The following MRPL35 variants were observed in gnomAD, a reference collection of about 807,000 sequenced individuals.
MRPL35 encodes mitochondrial ribosomal protein L35.
Under a neutral mutation model 21.6 loss-of-function variants are expected in MRPL35, and 18 were observed. That is an observed-to-expected ratio of 0.83 (90% CI 0.58 to 1.24). The LOEUF is 1.24. MRPL35 is among the 50% of genes most tolerant of loss of function. The pLI is 0.00. For synonymous variants in MRPL35, 87 were observed against 86.9 expected (o/e 1.00, Z -0.01); for missense variants, 223 against 223.2 (o/e 1.00, Z 0.01).
chr2:86,211,532 TG>T lies in MRPL35; in HGVS notation c.*865del. ...AACATCTAACACACCAGGTTCATTG[TG>T]TTCATAACACTTGTCATTTACTGTA... On this transcript the variant is annotated 3_prime_UTR_variant, in exon 4 of 4. Coordinates refer to ENST00000337109, the MANE Select transcript of MRPL35 (RefSeq NM_016622.4). 3.0e-6 allele frequency: 3 copies of T among 985,486 alleles called. No individual in the cohort carries two copies. Among genetic ancestry groups the T allele is most frequent in the Non-Finnish European group, 3.6e-6 (3 of 829,942 alleles). The allele number at this position is 985,486 out of a possible 1,614,324, so 61.0% of individuals were successfully genotyped here. A position where few individuals can be genotyped will look rare whatever the true frequency, so the allele number is the denominator to read the frequency against.
At position 86,213,521 on chromosome 2, in the gene MRPL35, C is replaced by G; in HGVS notation, c.*2853C>G. On this transcript the variant is annotated 3_prime_UTR_variant, in exon 4 of 4. Transcript: ENST00000337109. Reference sequence around the variant, plus strand: ...TGTTTCAAATTTTGAGCTTCCAAGTCTTTGTGGCCACCCAATGAAGTTTGA... The same window carrying G: ...TGTTTCAAATTTTGAGCTTCCAAGTGTTTGTGGCCACCCAATGAAGTTTGA... 1 of 1,418,990 alleles carries G rather than the reference C, an allele frequency of 7.0e-7. No individual in the cohort carries two copies. Among genetic ancestry groups the G allele is most frequent in the Non-Finnish European group, 9.3e-7 (1 of 1,073,446 alleles). The allele number at this position is 1,418,990 out of a possible 1,614,324, so 87.9% of individuals were successfully genotyped here.
chr2:86,200,069 CTG>C (rs1304568489), intron 1 of MRPL35, among the ~76,000 whole-genome samples: 1 of 152,118 alleles, frequency 6.6e-6, no homozygotes, highest in Non-Finnish European at 1.5e-5. Context: ...GACTTCTTGA[CTG>C]AGAGATAGCA....
At chr2:86,199,554 T>G in intron 1 of MRPL35, 21 bp downstream of exon 1, 2 of 1,613,926 alleles carry the variant, frequency 1.2e-6, no homozygotes, top group Non-Finnish European at 1.7e-6. Flanking sequence ...AGCGACATAC[T>G]CCATGCATGC....
chr2:86,199,468 G>A lies in MRPL35; in HGVS notation c.-23G>A, dbSNP rs762222288. 6.2e-6 allele frequency: 10 copies of A among 1,614,018 alleles called. No individual in the cohort carries two copies. Among genetic ancestry groups the A allele is most frequent in the Middle Eastern group, 3.3e-4 (2 of 6,062 alleles). ...GCTCTTGTGCTTTTAAACCCAAAGC[G>A]GCCGCCGTAGGCGAAGGTGAAGATG... is the stretch of plus-strand genomic sequence containing the variant. On this transcript the variant is annotated 5_prime_UTR_variant, in exon 1 of 4. Transcript: ENST00000337109.
intron 1 of MRPL35, 96 bp from the exon 2 acceptor site, chr2:86,206,010 T>C (rs1673781416): frequency 9.2e-7 from 1 of 1,087,320 alleles, no homozygotes; most frequent in Admixed American, 2.2e-5. Context: ...GCACGTTAAT[T>C]ATGTTTAATA....
intron 1 of MRPL35, among the ~76,000 whole-genome samples, chr2:86,202,770 C>T (rs976439780): frequency 6.6e-6 from 1 of 152,150 alleles, no homozygotes; most frequent in Non-Finnish European, 1.5e-5. Flanking sequence ...CGGCTCACTG[C>T]AACCTCTGCC....
In MRPL35 at chr2:86,211,625, T is replaced by C. The variant is rs1218419815; in HGVS notation, c.*957T>C. The C allele has an allele frequency of 1.9e-5, 19 of 985,336 alleles. No individual in the cohort carries two copies. The highest frequency in any genetic ancestry group is 2.3e-5 in the Non-Finnish European group (19 of 829,952). 61.0% of individuals were successfully genotyped at this position (985,336 alleles called of 1,614,324 possible). ...CTCATTCATGAAACAGAAGAGGCTG[T>C]ACAAGTGAAGACAAGGGCTTTTTAT... On this transcript the variant is annotated 3_prime_UTR_variant, in exon 4 of 4. Transcript: ENST00000337109.
Position 86,212,959 on chromosome 2 carries a change from A to G in MRPL35, c.*2291A>G, listed in dbSNP as rs1673939105. On this transcript the variant is annotated 3_prime_UTR_variant, in exon 4 of 4. Coordinates refer to ENST00000337109, the MANE Select transcript of MRPL35 (RefSeq NM_016622.4). ...TCCCAGCATATCTACAAAACTGGGT[A>G]CATACATACTGTCTAACTGCTAATC... The G allele has an allele frequency of 2.9e-6, 2 of 680,172 alleles. No individual in the cohort carries two copies. Among genetic ancestry groups the G allele is most frequent in the Admixed American group, 6.3e-5 (1 of 15,860 alleles). 42.1% of individuals were successfully genotyped at this position (680,172 alleles called of 1,614,324 possible).
Position 86,213,282 on chromosome 2 carries a change from C to T in MRPL35, c.*2614C>T. The T allele has an allele frequency of 1.8e-6, 2 of 1,105,920 alleles. No homozygotes were observed. The highest frequency in any genetic ancestry group is 2.2e-6 in the Non-Finnish European group (2 of 909,082). The allele number at this position is 1,105,920 out of a possible 1,614,324, so 68.5% of individuals were successfully genotyped here. A position where few individuals can be genotyped will look rare whatever the true frequency, so the allele number is the denominator to read the frequency against. ...ATTACTTTGCTTTCCTGTCCTTTGC[C>T]AACTCTTAACCTAGTTAATCCTAGT... On this transcript the variant is annotated 3_prime_UTR_variant, in exon 4 of 4. Coordinates refer to ENST00000337109, the MANE Select transcript of MRPL35 (RefSeq NM_016622.4).
chr2:86,213,357 C>CT lies in MRPL35; in HGVS notation c.*2696dup. 2.4e-6 allele frequency: 3 copies of CT among 1,247,242 alleles called. No homozygotes were observed. The highest frequency in any genetic ancestry group is 4.0e-5 in the Admixed American group (1 of 24,776). The allele number at this position is 1,247,242 out of a possible 1,614,324, so 77.3% of individuals were successfully genotyped here. ...GTAAATAAACGAATGGATTTCCAGC[C>CT]TTTTTTTCCCATCTGTTCCTGCTTT... is the stretch of plus-strand genomic sequence containing the variant. On this transcript the variant is annotated 3_prime_UTR_variant, in exon 4 of 4. Coordinates refer to ENST00000337109, the MANE Select transcript of MRPL35 (RefSeq NM_016622.4).
In MRPL35 at chr2:86,213,194, G is replaced by A. The variant is rs1012601922; in HGVS notation, c.*2526G>A. 1.0e-6 allele frequency: 1 copy of A among 990,568 alleles called. No individual in the cohort carries two copies. Among genetic ancestry groups the A allele is most frequent in the Non-Finnish European group, 1.2e-6 (1 of 833,182 alleles). The allele number at this position is 990,568 out of a possible 1,614,324, so 61.4% of individuals were successfully genotyped here. A position where few individuals can be genotyped will look rare whatever the true frequency, so the allele number is the denominator to read the frequency against. ...CTAAATCAACAAGTGACTGTAATCT[G>A]GTACTATAAATACTAAATAAACACT... is the stretch of plus-strand genomic sequence containing the variant. On this transcript the variant is annotated 3_prime_UTR_variant, in exon 4 of 4. Coordinates refer to ENST00000337109, the MANE Select transcript of MRPL35 (RefSeq NM_016622.4).
chr2:86,205,019 A>G (rs974505581), intron 1 of MRPL35, among the ~76,000 whole-genome samples: 1 of 152,150 alleles, frequency 6.6e-6, no homozygotes, highest in African/African-American at 2.4e-5. Context: ...CAGGTGGATC[A>G]CTTGAGCCCA....
rs1193880393 is a variant in MRPL35 at position 86,213,434 on chromosome 2, T to G, written c.*2766T>G. 15 of 1,289,730 alleles carry G rather than the reference T, an allele frequency of 1.2e-5. No homozygotes were observed. In the Admixed American group the frequency reaches 3.9e-4, roughly 33 times the overall value. 79.9% of individuals were successfully genotyped at this position (1,289,730 alleles called of 1,614,324 possible). ...TACTGCTGCTTTATTTTACAGTGAT[T>G]TTGTCAAACATAGAATACAGGACTA... On this transcript the variant is annotated 3_prime_UTR_variant, in exon 4 of 4. Coordinates refer to ENST00000337109, the MANE Select transcript of MRPL35 (RefSeq NM_016622.4).
intron 1 of MRPL35, among the ~76,000 whole-genome samples, 159 bp from the exon 2 acceptor site, chr2:86,205,947 G>A (rs1420172831): frequency 6.6e-6 from 1 of 152,184 alleles, no homozygotes; most frequent in Non-Finnish European, 1.5e-5. Context: ...ATTAATTTAT[G>A]GTTATACCTT....
chr2:86,200,679 ATTC>A (rs1278272218), intron 1 of MRPL35, among the ~76,000 whole-genome samples: 1 of 151,128 alleles, frequency 6.6e-6, no homozygotes, highest in Non-Finnish European at 1.5e-5. Flanking sequence ...TTGCTATATA[ATTC>A]TTTTTTTTTT....
intron 3 of MRPL35, among the ~76,000 whole-genome samples, chr2:86,210,261 A>G (rs1454492367): frequency 6.6e-6 from 1 of 152,044 alleles, no homozygotes; most frequent in African/African-American, 2.4e-5. Flanking sequence ...AATATGATTT[A>G]TTACTAATTC....
chr2:86,212,409 T>C lies in MRPL35; in HGVS notation c.*1741T>C. 2 of 1,613,932 alleles carry C rather than the reference T, an allele frequency of 1.2e-6. No homozygotes were observed. Among genetic ancestry groups the C allele is most frequent in the Non-Finnish European group, 1.7e-6 (2 of 1,179,918 alleles). Reference sequence around the variant, plus strand: ...GCATTCTGTTTTGATGGATTTTCATTTCTTCGCACTTCTGAGACGGCAAAG... The same window carrying C: ...GCATTCTGTTTTGATGGATTTTCATCTCTTCGCACTTCTGAGACGGCAAAG... On this transcript the variant is annotated 3_prime_UTR_variant, in exon 4 of 4. Coordinates refer to ENST00000337109, the MANE Select transcript of MRPL35 (RefSeq NM_016622.4).
chr2:86,206,301 G>A lies in MRPL35; in HGVS notation c.233+6G>A. ...ACCTCAGTGATCCTTAATAGGTAGA[G>A]TATATTTCTTTGTGGGGTTTTTTTT... On this transcript the variant is annotated splice_donor_region_variant and intron_variant, in intron 2 of 3. Coordinates refer to ENST00000337109, the MANE Select transcript of MRPL35 (RefSeq NM_016622.4). 1.3e-6 allele frequency: 2 copies of A among 1,577,832 alleles called. No homozygotes were observed. The highest frequency in any genetic ancestry group is 2.0e-5 in the Admixed American group (1 of 49,562).
At chr2:86,207,788 T>C (rs1216493399) in intron 3 of MRPL35, among the ~76,000 whole-genome samples, 1 of 151,134 alleles carries the variant, frequency 6.6e-6, no homozygotes, top group East Asian at 1.9e-4. Flanking sequence ...GTGCCTATAA[T>C]CCCAGCTGCT....
Sources: allele counts gnomAD v4.1 joint callset (sites outside exome capture counted in the v4.1 genomes callset), GRCh38; gene constraint gnomAD v4.1.1; transcripts MANE v1.5; gene names NCBI Gene and HGNC (gene_info 2026-07-23, HGNC 2026-07-21).